The following PRRC2C variants were observed in gnomAD, a reference collection of about 807,000 sequenced individuals.
The protein encoded by PRRC2C is protein PRRC2C.
PRRC2C carries 72 observed loss-of-function variants against 317.2 expected under a neutral mutation model. The ratio of observed to expected loss-of-function variants is 0.23; its 90% confidence interval spans 0.19 to 0.28. The LOEUF is 0.28. PRRC2C is among the 10% of genes least tolerant of loss of function. The pLI is 1.00. For missense variants in PRRC2C, 3,074 were observed against 3,459.7 expected, an observed-to-expected ratio of 0.89 and a Z score of 2.80; for synonymous variants, 1,296 against 1,205.9, an observed-to-expected ratio of 1.07 and a Z score of -1.55.
At chr1:171,493,118 A>C (rs1667488094) in intron 1 of PRRC2C, among the ~76,000 whole-genome samples, 1 of 105,282 alleles carries the variant, frequency 9.5e-6, no homozygotes, top group Admixed American at 9.4e-5. Context: ...TACATGTCTT[A>C]AGACTGGATA....
chr1:171,523,024 G>T lies in PRRC2C; in HGVS notation c.834-197G>T, dbSNP rs781520821. ...AGAATTCTTAAAAACTTTGTCAGCT[G>T]TTACTTAAGAGTTACGTATTATCCT... On this transcript the variant is annotated intron_variant, in intron 7 of 34. Transcript: ENST00000647382. Among the ~76,000 whole-genome samples, 34 of 151,834 alleles carry T rather than the reference G, an allele frequency of 2.2e-4. No individual in the cohort carries two copies. The highest frequency in any genetic ancestry group is 4.6e-4 in the Non-Finnish European group (31 of 67,982).
In PRRC2C at chr1:171,527,842, C is replaced by A; in HGVS notation, c.1252C>A (p.Gln418Lys). Residue 418 changes from glutamine (Q) to lysine (K), a missense_variant and splice_region_variant, in exon 11 of 35, where the codon CAG becomes AAG. Gln to Lys is a moderately conservative substitution (Grantham distance 53). Transcript: ENST00000647382. Reference protein sequence around the residue: ...LPPPPKLLAQQHPPPDRQAVP... With the variant: ...LPPPPKLLAQKHPPPDRQAVP... ...ACCACCTCCAAAGTTGCTTGCACAG[C>A]AGGTAAATTTTAAGTGCTTGTTTAT... is the stretch of plus-strand genomic sequence containing the variant. The A allele has an allele frequency of 6.3e-7, 1 of 1,577,954 alleles. No homozygotes were observed. The highest frequency in any genetic ancestry group is 8.6e-7 in the Non-Finnish European group (1 of 1,159,586).
intron 2 of PRRC2C, 22 bp downstream of exon 2, chr1:171,512,222 T>C: frequency 6.9e-7 from 1 of 1,459,678 alleles, no homozygotes; most frequent in African/African-American, 1.4e-5. Context: ...CAAGTGACAC[T>C]TATGTTTTTC....
chr1:171,583,805 T>C (rs988122254), intron 28 of PRRC2C, 151 bp from the exon 29 acceptor site: 36 of 655,764 alleles, frequency 5.5e-5, no homozygotes, highest in Admixed American at 3.5e-4. Context: ...TATGATCTTA[T>C]GGGACCATCA....
intron 1 of PRRC2C, among the ~76,000 whole-genome samples, chr1:171,493,037 A>C (rs1356451170): frequency 6.6e-6 from 1 of 151,946 alleles, no homozygotes; most frequent in Non-Finnish European, 1.5e-5. Flanking sequence ...GGCGTGAGCC[A>C]CTGCGCCTGG....
At chr1:171,532,191 A>G (rs923179364) in intron 11 of PRRC2C, among the ~76,000 whole-genome samples, 152 bp from the exon 12 acceptor site, 2 of 152,202 alleles carry the variant, frequency 1.3e-5, no homozygotes, top group Non-Finnish European at 2.9e-5. Context: ...TAGATGTAAT[A>G]TATTTCCCAT....
In PRRC2C at chr1:171,541,545, G is replaced by A. The variant is rs750579724; in HGVS notation, c.4079G>A (p.Arg1360His). 24 of 1,613,178 alleles carry A rather than the reference G, an allele frequency of 1.5e-5. No individual in the cohort carries two copies. Among genetic ancestry groups the A allele is most frequent in the South Asian group, 6.6e-5 (6 of 90,988 alleles). Residue 1360 changes from arginine to histidine, a missense_variant, in exon 16 of 35, where the codon CGT becomes CAT. This residue lies in a region of PRRC2C where 1,320 missense variants were observed against 1,395.7 expected (regional missense o/e 0.95). Transcript: ENST00000647382. This position sits in a 1 kb window ranked among gnomAD's most constrained non-coding sequence, Gnocchi z 4.1. ...CGTGGTGGAAGGGATCCTGGAGGCC[G>A]TCCATCACGCCCTTCCACTTTACGA... is the stretch of plus-strand genomic sequence containing the variant. ...FRRGGRDPGG[R>H]PSRPSTLRRP...
chr1:171,501,426 CAGCTGA>C (rs1414396047), intron 1 of PRRC2C, among the ~76,000 whole-genome samples: 1 of 152,188 alleles, frequency 6.6e-6, no homozygotes, highest in Non-Finnish European at 1.5e-5. Flanking sequence ...CCACCACTCC[CAGCTGA>C]GGTGTACCTG....
rs570554040 is a variant in PRRC2C, at chr1:171,557,277, G to A, written c.5165G>A (p.Ser1722Asn). The change falls in exon 19 of 35, where the codon AGC (serine) becomes AAC (asparagine). Residue 1722 changes from serine to asparagine, a missense_variant. Ser to Asn is a conservative substitution (Grantham distance 46). This residue lies in a region of PRRC2C where 640 missense variants were observed against 676.1 expected (regional missense o/e 0.95). Transcript: ENST00000647382. Reference protein sequence around the residue: ...NKKNANEKGRSQTSKLPPRFA... With the variant: ...NKKNANEKGRNQTSKLPPRFA... ...AAGAATGCAAATGAAAAAGGAAGAA[G>A]CCAGACTTCTAAGCTTCCTCCAAGA... 5.2e-5 allele frequency: 81 copies of A among 1,551,046 alleles called. No homozygotes were observed. The African/African-American group carries it at 1.0e-3, about 19-fold the overall frequency.
intron 3 of PRRC2C, 33 bp from the exon 4 acceptor site, chr1:171,514,503 A>G (rs1671970769): frequency 4.1e-6 from 6 of 1,447,738 alleles, no homozygotes; most frequent in Non-Finnish European, 5.7e-6. Context: ...AACATACAGT[A>G]TCTGAAATAA....
Position 171,592,452 on chromosome 1 carries a change from A to T in PRRC2C, c.*605A>T, listed in dbSNP as rs1052491154. On this transcript the variant is annotated 3_prime_UTR_variant, in exon 35 of 35. Transcript: ENST00000647382. ...ACTGATGTCCCCTTCTTCCTGGATG[A>T]ATGAGCAGATAAATATTGATGTCAG... is the stretch of plus-strand genomic sequence containing the variant. 3.9e-5 allele frequency: 6 copies of T among 152,308 alleles called. No individual in the cohort carries two copies. Among genetic ancestry groups the T allele is most frequent in the African/African-American group, 1.4e-4 (6 of 41,460 alleles). 9.4% of individuals were successfully genotyped at this position (152,308 alleles called of 1,614,324 possible).
intron 1 of PRRC2C, among the ~76,000 whole-genome samples, chr1:171,495,008 A>G (rs572831631): frequency 5.3e-5 from 8 of 152,314 alleles, no homozygotes; most frequent in Middle Eastern, 3.4e-3. Flanking sequence ...AAGTAATGCT[A>G]TAAGTTTTAG....
intron 1 of PRRC2C, 143 bp from the exon 2 acceptor site, chr1:171,511,889 G>T (rs1055253140): frequency 7.0e-6 from 3 of 430,652 alleles, no homozygotes; most frequent in East Asian, 9.4e-5. Context: ...GATCAATTTT[G>T]TTGTGTATTG....
chr1:171,530,300 G>A (rs1256777877), intron 11 of PRRC2C, among the ~76,000 whole-genome samples: 1 of 134,780 alleles, frequency 7.4e-6, no homozygotes, highest in East Asian at 2.2e-4. Flanking sequence ...TGCCGAGGCT[G>A]GAGCAAGATC....
At chr1:171,586,263 T>A (rs235499) in intron 30 of PRRC2C, among the ~76,000 whole-genome samples, 112,875 of 145,746 alleles carry the variant, frequency 0.77, 43,350 homozygotes, top group East Asian at 0.88. Flanking sequence ...TTATTTATTT[T>A]TTTTTTTAGT....
In PRRC2C at chr1:171,518,937, C is replaced by T. The variant is rs542245790; in HGVS notation, c.750+1123C>T. Among the ~76,000 whole-genome samples, 388 of 149,254 alleles carry T rather than the reference C, an allele frequency of 2.6e-3. 1 individual carries two copies. The highest frequency in any genetic ancestry group is 4.2e-3 in the Admixed American group (62 of 14,920). On this transcript the variant is annotated intron_variant, in intron 6 of 34. Coordinates refer to ENST00000647382, the MANE Select transcript of PRRC2C (RefSeq NM_001387844.1). The stretch of plus-strand genomic sequence containing the variant: ...TCGCTCTGTCACCCAGGCTGGAGTG[C>T]AGTGGCATGATGTCGGCTCACTGCA...
intron 20 of PRRC2C, among the ~76,000 whole-genome samples, chr1:171,563,696 G>A (rs1683107199): frequency 6.6e-6 from 1 of 152,112 alleles, no homozygotes; most frequent in Admixed American, 6.5e-5. Context: ...GTCTAGAGTA[G>A]GCTTCATCAT....
chr1:171,493,527 A>G (rs1246022686), intron 1 of PRRC2C, among the ~76,000 whole-genome samples: 1 of 152,194 alleles, frequency 6.6e-6, no homozygotes, highest in Non-Finnish European at 1.5e-5. Context: ...CTAAGAAATT[A>G]TCTATGCTTT....
At chr1:171,550,455 G>A (rs1679973883) in intron 18 of PRRC2C, among the ~76,000 whole-genome samples, 1 of 132,500 alleles carries the variant, frequency 7.5e-6, no homozygotes, top group African/African-American at 2.9e-5. Context: ...TTGACTTACA[G>A]CAAAGACCAT....
Sources: allele counts gnomAD v4.1 joint callset (sites outside exome capture counted in the v4.1 genomes callset), GRCh38; gene constraint gnomAD v4.1.1; regional missense constraint gnomAD v4.1.1; non-coding constraint Gnocchi (gnomAD v3.1); transcripts MANE v1.5; gene names NCBI Gene and HGNC (gene_info 2026-07-23, HGNC 2026-07-21).